Variants in HECW2 observed in about 807,000 individuals in gnomAD.
HECW2 encodes the protein HECT, C2 and WW domain containing E3 ubiquitin protein ligase 2.
In HECW2, 61 loss-of-function variants were observed where a neutral mutation model predicts 175.2. The observed-to-expected ratio is 0.35, with a 90% CI of 0.28 to 0.43. HECW2 has a LOEUF of 0.43. Among genes scored for constraint, HECW2 ranks in the 20% least tolerant of loss-of-function variants. The pLI, the probability that HECW2 is intolerant of heterozygous loss-of-function variation, is 1.00. For missense variants in HECW2, 1,524 were observed against 2,000.5 expected (o/e 0.76, Z 4.54); for synonymous variants, 671 against 731.0 (o/e 0.92, Z 1.32).
intron 1 of HECW2, among the ~76,000 whole-genome samples, chr2:196,522,433 G>A (rs1325397863): frequency 6.6e-6 from 1 of 152,152 alleles, no homozygotes; most frequent in Non-Finnish European, 1.5e-5. Context: ...TAGGTTGCCT[G>A]TTCACTCTGA....
intron 5 of HECW2, among the ~76,000 whole-genome samples, chr2:196,329,260 A>G (rs1692266870): frequency 6.6e-6 from 1 of 152,180 alleles, no homozygotes; most frequent in Non-Finnish European, 1.5e-5. Context: ...CTGAAGTAAG[A>G]ATAAATTATT....
At chr2:196,566,299 A>G (rs1171437274) in intron 1 of HECW2, among the ~76,000 whole-genome samples, 1 of 149,540 alleles carries the variant, frequency 6.7e-6, no homozygotes, top group Non-Finnish European at 1.5e-5. Flanking sequence ...AAAAAAAAGA[A>G]CCCAGATGTT....
chr2:196,593,361 C>T (rs1246778452), intron 1 of HECW2, 147 bp downstream of exon 1: 1 of 150,896 alleles, frequency 6.6e-6, no homozygotes, highest in Non-Finnish European at 1.5e-5. Context: ...GCCCGGCTCC[C>T]CGCCGCTCGC....
chr2:196,525,618 G>A (rs1307078853), intron 1 of HECW2, among the ~76,000 whole-genome samples: 142 of 135,410 alleles, frequency 1.0e-3, no homozygotes, highest in Middle Eastern at 4.3e-3. Context: ...GCTGGTACCG[G>A]TTGTTCCTTT....
In HECW2 at chr2:196,278,157, A is replaced by C. The variant is rs567223702; in HGVS notation, c.3135+371T>G. The stretch of plus-strand genomic sequence containing the variant: ...AAATATATATATATATATATAAAGA[A>C]ATTCCACATTTAACCAAGTTATATT... On this transcript the variant is annotated intron_variant, in intron 15 of 28. Transcript: ENST00000644978. Among the ~76,000 whole-genome samples the C allele has an allele frequency of 3.4e-4, 20 of 58,416 alleles. No individual in the cohort carries two copies. The East Asian group carries it at 0.023, about 67-fold the overall frequency. The allele number at this position is 58,416 out of a possible 152,430, so 38.3% of individuals were successfully genotyped here.
intron 4 of HECW2, among the ~76,000 whole-genome samples, chr2:196,333,151 G>A (rs1005832529): frequency 6.6e-5 from 10 of 151,952 alleles, no homozygotes; most frequent in African/African-American, 2.4e-4. Flanking sequence ...CACAGAACAT[G>A]CTCTCTTGCC....
chr2:196,419,178 T>C (rs1279158742), intron 2 of HECW2, among the ~76,000 whole-genome samples: 1 of 152,084 alleles, frequency 6.6e-6, no homozygotes, highest in Admixed American at 6.5e-5. Flanking sequence ...CACAGTGTAA[T>C]CAGCACTGAG....
intron 1 of HECW2, among the ~76,000 whole-genome samples, chr2:196,483,093 G>GCAA (rs1559137286): frequency 1.2e-5 from 1 of 84,420 alleles, no homozygotes; most frequent in Admixed American, 1.2e-4. Flanking sequence ...TTTCATAGTT[G>GCAA]TAAAAAAAAA....
intron 3 of HECW2, among the ~76,000 whole-genome samples, chr2:196,342,097 T>C (rs1239507453): frequency 1.3e-5 from 2 of 149,948 alleles, no homozygotes; most frequent in Non-Finnish European, 3.0e-5. Flanking sequence ...AAAAAGCCCA[T>C]TTTTTTTTCT....
chr2:196,412,649 T>A (rs1695146227), intron 2 of HECW2, among the ~76,000 whole-genome samples: 1 of 152,250 alleles, frequency 6.6e-6, no homozygotes, highest in Admixed American at 6.5e-5. Context: ...AAATTTCATG[T>A]TCACAGTCCC....
intron 1 of HECW2, among the ~76,000 whole-genome samples, chr2:196,513,163 A>G (rs1688014976): frequency 6.6e-6 from 1 of 152,178 alleles, no homozygotes; most frequent in African/African-American, 2.4e-5. Flanking sequence ...TAATATTCTA[A>G]ATTTTTGTAA....
intron 1 of HECW2, among the ~76,000 whole-genome samples, chr2:196,475,805 T>A (rs1686580733): frequency 6.6e-6 from 1 of 152,276 alleles, no homozygotes; most frequent in African/African-American, 2.4e-5. Context: ...CTGATTGGCC[T>A]GGCCTGGGCC....
At chr2:196,250,316 C>T (rs1688808430) in intron 19 of HECW2, among the ~76,000 whole-genome samples, 1 of 152,166 alleles carries the variant, frequency 6.6e-6, no homozygotes, top group East Asian at 1.9e-4. Context: ...AATCAGGGTT[C>T]GTATGTTCCA....
rs575929109 is a variant in HECW2 at position 196,231,127 on chromosome 2, C to T, written c.3765-2873G>A. 2.9e-5 allele frequency among the ~76,000 whole-genome samples: 4 copies of T among 136,726 alleles called. No homozygotes were observed. In the South Asian group the frequency reaches 1.0e-3, roughly 35 times the overall value. The allele number at this position is 136,726 out of a possible 152,430, so 89.7% of individuals were successfully genotyped here. On this transcript the variant is annotated intron_variant, in intron 21 of 28. Coordinates refer to ENST00000644978, the MANE Select transcript of HECW2 (RefSeq NM_001348768.2). ...AAAAAAAAAAAAAAAGGCCTTAACACTAGACCATACTTTTCCCGATTAAAA... is the reference window on the plus strand; with the variant it reads ...AAAAAAAAAAAAAAAGGCCTTAACATTAGACCATACTTTTCCCGATTAAAA...
At chr2:196,307,408 C>A (rs1006338667) in intron 11 of HECW2, among the ~76,000 whole-genome samples, 175 bp from the exon 12 acceptor site, 1 of 152,192 alleles carries the variant, frequency 6.6e-6, no homozygotes, top group Non-Finnish European at 1.5e-5. Context: ...CATTAAATTT[C>A]TTCTGTCCAT....
At position 196,270,916 on chromosome 2, in the gene HECW2, G is replaced by C. The variant is rs187756897; in HGVS notation, c.3335+277C>G. On this transcript the variant is annotated intron_variant, in intron 17 of 28. Coordinates refer to ENST00000644978, the MANE Select transcript of HECW2 (RefSeq NM_001348768.2). ...TCACCATGTTGGGCAGGATGGTCTT[G>C]ATCTCTTGACCTCGTGATCTGCCTG... Among the ~76,000 whole-genome samples the C allele has an allele frequency of 2.3e-4, 35 of 152,176 alleles. 1 individual carries two copies. The East Asian group carries it at 5.6e-3, about 24-fold the overall frequency.
chr2:196,355,199 T>C (rs1693319424), intron 2 of HECW2, among the ~76,000 whole-genome samples: 1 of 152,256 alleles, frequency 6.6e-6, no homozygotes, highest in South Asian at 2.1e-4. Flanking sequence ...GAATGAGGTG[T>C]TCTTTGTAAA....
At chr2:196,385,861 A>G (rs1346694341) in intron 2 of HECW2, among the ~76,000 whole-genome samples, 2 of 152,224 alleles carry the variant, frequency 1.3e-5, no homozygotes, top group African/African-American at 2.4e-5. Context: ...CTTGGTTGGA[A>G]GCCTATTTAT....
At chr2:196,581,602 C>T (rs1028835092) in intron 1 of HECW2, among the ~76,000 whole-genome samples, 6 of 152,156 alleles carry the variant, frequency 3.9e-5, no homozygotes, top group East Asian at 3.9e-4. Flanking sequence ...GTGAATTTTA[C>T]GGTATGTGAA....
Sources: allele counts gnomAD v4.1 joint callset (sites outside exome capture counted in the v4.1 genomes callset), GRCh38; gene constraint gnomAD v4.1.1; transcripts MANE v1.5; gene names NCBI Gene and HGNC (gene_info 2026-07-23, HGNC 2026-07-21).